Variants in RPS6KC1 observed in about 807,000 individuals in gnomAD.
RPS6KC1 encodes inactive ribosomal protein S6 kinase delta-1.
A neutral mutation model predicts 103.8 loss-of-function variants in RPS6KC1; 54 were observed. That is an observed-to-expected ratio of 0.52 (90% CI 0.42 to 0.65). The LOEUF is 0.65. RPS6KC1 is among the 30% of genes least tolerant of loss of function. The pLI, the probability that RPS6KC1 is intolerant of heterozygous loss-of-function variation, is 0.00. For synonymous variants in RPS6KC1, 439 were observed against 438.7 expected (o/e 1.00, Z -0.01); for missense variants, 1,151 against 1,253.8 (o/e 0.92, Z 1.24).
the RPS6KC1 span, among the ~76,000 whole-genome samples, chr1:213,829,597 G>A: frequency 1.3e-5 from 2 of 152,134 alleles, no homozygotes; most frequent in Admixed American, 6.6e-5. Flanking sequence ...GGGGATTGAC[G>A]AGGCAGGTTG....
At chr1:213,810,449 A>T in the RPS6KC1 span, among the ~76,000 whole-genome samples, 22 of 152,342 alleles carry the variant, frequency 1.4e-4, no homozygotes, top group East Asian at 4.2e-3. Context: ...GTTAAGACAT[A>T]GAGCTTGGCC....
chr1:213,137,775 C>CTCTCTCTCTCTCTCTATCTA (rs1295773311), intron 6 of RPS6KC1, among the ~76,000 whole-genome samples: 1 of 32,232 alleles, frequency 3.1e-5, no homozygotes, highest in African/African-American at 1.0e-4. Context: ...CTCTCTCTCT[C>CTCTCTCTCTCTCTCTATCTA]TCTATATATA....
chr1:213,336,859 A>T, the RPS6KC1 span, among the ~76,000 whole-genome samples: 2 of 152,140 alleles, frequency 1.3e-5, no homozygotes, highest in Non-Finnish European at 1.5e-5. Context: ...TTCTTGCATT[A>T]CACAACTCTA....
the RPS6KC1 span, among the ~76,000 whole-genome samples, chr1:213,346,367 A>T: frequency 6.6e-6 from 1 of 152,324 alleles, no homozygotes; most frequent in African/African-American, 2.4e-5. Flanking sequence ...AATAAAAAAA[A>T]ATATCACCAA....
At chr1:213,687,268 A>AC in the RPS6KC1 span, among the ~76,000 whole-genome samples, 1 of 151,968 alleles carries the variant, frequency 6.6e-6, no homozygotes, top group Non-Finnish European at 1.5e-5. Flanking sequence ...CTCTGGTTTG[A>AC]ATGCCTCTGA....
chr1:213,702,189 G>T, the RPS6KC1 span, among the ~76,000 whole-genome samples: 3 of 151,612 alleles, frequency 2.0e-5, no homozygotes, highest in Admixed American at 1.3e-4. Flanking sequence ...TCAATTAGGA[G>T]CATATTGTTT....
At chr1:213,709,629 C>A in the RPS6KC1 span, among the ~76,000 whole-genome samples, 187 of 152,064 alleles carry the variant, frequency 1.2e-3, 1 homozygote, top group Non-Finnish European at 2.1e-3. Flanking sequence ...AATTTTAGAT[C>A]TTTCCCACTT....
the RPS6KC1 span, among the ~76,000 whole-genome samples, chr1:213,313,232 C>A: frequency 6.6e-6 from 1 of 152,324 alleles, no homozygotes; most frequent in Admixed American, 6.5e-5. Flanking sequence ...AGGTTCTACA[C>A]GATGCCTTCA....
chr1:213,303,858 T>C, the RPS6KC1 span, among the ~76,000 whole-genome samples: 6 of 152,200 alleles, frequency 3.9e-5, no homozygotes, highest in African/African-American at 1.2e-4. Flanking sequence ...ATCCCCTCAA[T>C]AGAGCCATTG....
At chr1:213,455,326 A>G in the RPS6KC1 span, among the ~76,000 whole-genome samples, 2 of 152,230 alleles carry the variant, frequency 1.3e-5, no homozygotes, top group South Asian at 4.1e-4. Context: ...AACATTAAAA[A>G]GTGGACTTGA....
chr1:213,801,130 TG>T, the RPS6KC1 span, among the ~76,000 whole-genome samples: 1 of 152,230 alleles, frequency 6.6e-6, no homozygotes, highest in Non-Finnish European at 1.5e-5. Context: ...TTTTCTCTGT[TG>T]GAGTTGCTGT....
At chr1:213,811,063 G>T in the RPS6KC1 span, among the ~76,000 whole-genome samples, 1 of 152,148 alleles carries the variant, frequency 6.6e-6, no homozygotes, top group Non-Finnish European at 1.5e-5. Context: ...TTCCCAGCTG[G>T]ACTCTTCTCA....
the RPS6KC1 span, among the ~76,000 whole-genome samples, chr1:213,517,324 G>A: frequency 6.6e-6 from 1 of 152,196 alleles, no homozygotes; most frequent in African/African-American, 2.4e-5. Flanking sequence ...TGATGTTAGG[G>A]TGTCAATTTT....
chr1:213,606,007 G>A, the RPS6KC1 span, among the ~76,000 whole-genome samples: 11 of 152,196 alleles, frequency 7.2e-5, no homozygotes, highest in Admixed American at 1.3e-4. Flanking sequence ...AATGAGAAAC[G>A]CTTCCTGTAC....
the RPS6KC1 span, among the ~76,000 whole-genome samples, chr1:213,393,121 G>C: frequency 1.3e-5 from 2 of 152,150 alleles, no homozygotes; most frequent in Non-Finnish European, 2.9e-5. Context: ...TGCTGTAGCT[G>C]GTGTAACCCA....
the RPS6KC1 span, among the ~76,000 whole-genome samples, chr1:213,383,922 C>T: frequency 6.6e-6 from 1 of 152,102 alleles, no homozygotes; most frequent in Non-Finnish European, 1.5e-5. Context: ...GTTGAAGCTG[C>T]CCAGTCTATG....
the RPS6KC1 span, among the ~76,000 whole-genome samples, chr1:213,523,706 A>G: frequency 6.6e-6 from 1 of 152,232 alleles, no homozygotes; most frequent in Non-Finnish European, 1.5e-5. Flanking sequence ...TTAATCAAAT[A>G]TAGGCACAGA....
chr1:213,634,908 C>A, the RPS6KC1 span, among the ~76,000 whole-genome samples: 6 of 151,604 alleles, frequency 4.0e-5, no homozygotes, highest in Non-Finnish European at 7.4e-5. Flanking sequence ...AGAGAAGAAT[C>A]AAATAGACAC....
At chr1:213,661,299 G>T in the RPS6KC1 span, among the ~76,000 whole-genome samples, 9 of 152,178 alleles carry the variant, frequency 5.9e-5, no homozygotes, top group South Asian at 6.2e-4. Context: ...CTGGTGTCAG[G>T]ATCTCAGGTA....
Sources: allele counts gnomAD v4.1 joint callset (sites outside exome capture counted in the v4.1 genomes callset), GRCh38; gene constraint gnomAD v4.1.1; transcripts MANE v1.5; gene names NCBI Gene and HGNC (gene_info 2026-07-23, HGNC 2026-07-21).